The following BRSK2 variants were observed in gnomAD, a reference collection of about 807,000 sequenced individuals.
BRSK2 encodes BR serine/threonine kinase 2.
A neutral mutation model predicts 83.3 loss-of-function variants in BRSK2; 19 were observed. That is an observed-to-expected ratio of 0.23 (90% CI 0.16 to 0.33). The LOEUF (loss-of-function observed/expected upper bound fraction) is 0.33, where lower values mean the gene tolerates loss of function less well. Ranked by LOEUF, BRSK2 falls within the 10% of genes least tolerant of loss-of-function variation. The probability of loss-of-function intolerance (pLI) is 1.00; values close to 1 mark genes in which losing one functional copy is unlikely to be tolerated. For synonymous variants in BRSK2, 519 were observed against 435.4 expected, an observed-to-expected ratio of 1.19 and a Z score of -2.39; for missense variants, 798 against 1,042.3, an observed-to-expected ratio of 0.77 and a Z score of 3.23.
In BRSK2 at chr11:1,460,117, C is replaced by T. The variant is rs370723460; in HGVS notation, c.1988-383C>T. Reference sequence around the variant, plus strand: ...GGAAGGGGGGTGGGGCAGGGCCTTCCGGGCCAGGCCTTGGTGGGGAGGGAG... The same window carrying T: ...GGAAGGGGGGTGGGGCAGGGCCTTCTGGGCCAGGCCTTGGTGGGGAGGGAG... On this transcript the variant is annotated intron_variant, in intron 19 of 19. Coordinates refer to ENST00000528841, the MANE Select transcript of BRSK2 (RefSeq NM_001256627.2). Among the ~76,000 whole-genome samples, 347 of 127,018 alleles carry T rather than the reference C, an allele frequency of 2.7e-3. 15 individuals carry two copies. The South Asian group carries it at 0.072, about 26-fold the overall frequency. 83.3% of individuals were successfully genotyped at this position (127,018 alleles called of 152,430 possible).
Position 1,443,554 on chromosome 11 carries a change from C to T in BRSK2, c.699C>T (p.Phe233=). ...TGGAGAAGGTGAAGCGGGGCGTGTTCCACATGCCGCACTTTATCCCGCCCG... is the reference window on the plus strand; with the variant it reads ...TGGAGAAGGTGAAGCGGGGCGTGTTTCACATGCCGCACTTTATCCCGCCCG... The part of the protein sequence containing the change: ...QLLEKVKRGV[F]HMPHFIPPDC... Residue 233 remains phenylalanine (F), a synonymous_variant, in exon 8 of 20, where the codon TTC becomes TTT. Coordinates refer to ENST00000528841, the MANE Select transcript of BRSK2 (RefSeq NM_001256627.2). The T allele has an allele frequency of 6.2e-7, 1 of 1,610,604 alleles. No homozygotes were observed. Among genetic ancestry groups the T allele is most frequent in the Non-Finnish European group, 8.5e-7 (1 of 1,178,918 alleles).
At chr11:1,396,165 T>C (rs538816329) in intron 1 of BRSK2, among the ~76,000 whole-genome samples, 2 of 132,572 alleles carry the variant, frequency 1.5e-5, no homozygotes, top group Admixed American at 7.8e-5. Context: ...TGTGGACCCC[T>C]GCGTCCCCCG....
chr11:1,410,593 T>G (rs1369738496), intron 1 of BRSK2: 2 of 985,264 alleles, frequency 2.0e-6, no homozygotes, highest in Non-Finnish European at 2.4e-6. Flanking sequence ...GGGAGTGGAC[T>G]CGGGGGCTCC....
intron 1 of BRSK2, among the ~76,000 whole-genome samples, chr11:1,429,585 G>C (rs1849734048): frequency 2.7e-5 from 4 of 147,340 alleles, no homozygotes; most frequent in Admixed American, 2.7e-4. Context: ...GCTCAGCAGT[G>C]AGCGTCTTCT....
chr11:1,448,143 T>G (rs1025171679), intron 12 of BRSK2, among the ~76,000 whole-genome samples: 2 of 152,098 alleles, frequency 1.3e-5, no homozygotes, highest in African/African-American at 4.8e-5. Context: ...GCCGAGCCGC[T>G]CCTCCTGCCA....
intron 14 of BRSK2, among the ~76,000 whole-genome samples, 187 bp from the exon 15 acceptor site, chr11:1,451,184 G>C (rs371187254): frequency 5.1e-4 from 78 of 152,230 alleles, no homozygotes; most frequent in African/African-American, 1.7e-3. Flanking sequence ...CCCTTAGCCT[G>C]GGGGGCGCCA....
intron 12 of BRSK2, among the ~76,000 whole-genome samples, chr11:1,446,577 T>A (rs944083512): frequency 3.3e-5 from 5 of 152,048 alleles, no homozygotes; most frequent in Admixed American, 1.3e-4. Flanking sequence ...AAGTGTGGTG[T>A]GTGTGGCCAG....
intron 1 of BRSK2, among the ~76,000 whole-genome samples, chr11:1,413,233 C>T (rs1035350638): frequency 3.3e-5 from 5 of 152,130 alleles, no homozygotes; most frequent in African/African-American, 1.2e-4. Context: ...GGGACGGCCC[C>T]TCGGGACACC....
At chr11:1,452,577 T>A (rs1312389071) in intron 15 of BRSK2, among the ~76,000 whole-genome samples, 3 of 152,086 alleles carry the variant, frequency 2.0e-5, no homozygotes, top group Admixed American at 2.0e-4. Flanking sequence ...CTGACCCCTC[T>A]CAAGGGTCCG....
At chr11:1,427,182 G>A (rs1349934206) in intron 1 of BRSK2, among the ~76,000 whole-genome samples, 1 of 152,094 alleles carries the variant, frequency 6.6e-6, no homozygotes, top group African/African-American at 2.4e-5. Flanking sequence ...CGGCAGAGCT[G>A]CAGAACTGAG....
At chr11:1,440,968 C>G (rs1306654842) in intron 4 of BRSK2, 40 bp downstream of exon 4, 1 of 1,578,928 alleles carries the variant, frequency 6.3e-7, no homozygotes, top group Non-Finnish European at 8.6e-7. Flanking sequence ...CCCCAGGGAC[C>G]CCCACACCCA....
chr11:1,456,890 C>G, intron 18 of BRSK2: 1 of 1,551,200 alleles, frequency 6.4e-7, no homozygotes, highest in Non-Finnish European at 8.7e-7. Context: ...CCCGCCTCGC[C>G]TCTGCACGCC....
chr11:1,453,251 G>A (rs543759188), intron 15 of BRSK2, among the ~76,000 whole-genome samples: 3 of 152,246 alleles, frequency 2.0e-5, no homozygotes, highest in African/African-American at 7.2e-5. Flanking sequence ...CACAGTGCAG[G>A]CCCCTCACCC....
At chr11:1,426,088 C>G (rs962076920) in intron 1 of BRSK2, among the ~76,000 whole-genome samples, 1 of 152,252 alleles carries the variant, frequency 6.6e-6, no homozygotes, top group Non-Finnish European at 1.5e-5. Flanking sequence ...CGCGCCCATT[C>G]AGGAAAGCAA....
chr11:1,457,300 C>T (rs1380870465), intron 18 of BRSK2, among the ~76,000 whole-genome samples: 1 of 152,198 alleles, frequency 6.6e-6, no homozygotes, highest in East Asian at 1.9e-4. Flanking sequence ...CGGGCTGTGA[C>T]TTCTCATCTC....
At chr11:1,446,221 C>T (rs549555807) in intron 12 of BRSK2, among the ~76,000 whole-genome samples, 7 of 115,046 alleles carry the variant, frequency 6.1e-5, no homozygotes, top group African/African-American at 2.3e-4. Context: ...TTGGTTGAGC[C>T]GAGCTGGGCT....
chr11:1,450,975 C>CTGT, intron 14 of BRSK2, among the ~76,000 whole-genome samples, 181 bp downstream of exon 14: 1 of 152,348 alleles, frequency 6.6e-6, no homozygotes, highest in East Asian at 1.9e-4. Context: ...CTACCTGTCG[C>CTGT]ACAGGCTGGT....
intron 8 of BRSK2, 102 bp downstream of exon 8, chr11:1,443,737 C>CACA: frequency 1.5e-6 from 2 of 1,377,658 alleles, no homozygotes; most frequent in South Asian, 1.5e-5. Flanking sequence ...CGTGTGGGCA[C>CACA]CCAGGTGTGT....
intron 2 of BRSK2, among the ~76,000 whole-genome samples, chr11:1,436,423 G>C (rs1850305963): frequency 6.6e-6 from 1 of 152,186 alleles, no homozygotes; most frequent in African/African-American, 2.4e-5. Flanking sequence ...TGCTGTGCTA[G>C]CAGGCGGGGC....
Sources: gnomAD v4.1 joint callset for allele counts (sites outside exome capture counted in the v4.1 genomes callset) on GRCh38, gnomAD v4.1.1 for gene constraint, MANE v1.5 for transcripts, NCBI Gene and HGNC (gene_info 2026-07-23, HGNC 2026-07-21) for gene names.